DENND4A: variants seen among roughly 807,000 people sequenced by gnomAD.
The protein encoded by DENND4A is DENN domain containing 4A.
In DENND4A, 70 loss-of-function variants were observed where a neutral mutation model predicts 199.3. That is an observed-to-expected ratio of 0.35 (90% CI 0.29 to 0.43). The LOEUF (loss-of-function observed/expected upper bound fraction) is 0.43, where lower values mean the gene tolerates loss of function less well. Among genes scored for constraint, DENND4A ranks in the 20% least tolerant of loss-of-function variants. The pLI is 1.00. For synonymous variants in DENND4A, 686 were observed against 766.9 expected, an observed-to-expected ratio of 0.89 and a Z score of 1.74; for missense variants, 1,723 against 2,255.8, an observed-to-expected ratio of 0.76 and a Z score of 4.78.
intron 5 of DENND4A, among the ~76,000 whole-genome samples, chr15:65,739,511 T>C (rs1434487875): frequency 6.6e-6 from 1 of 152,084 alleles, no homozygotes; most frequent in Non-Finnish European, 1.5e-5. Flanking sequence ...CTGAATACAC[T>C]CCAGGAAGAA....
intron 21 of DENND4A, 132 bp from the exon 22 acceptor site, chr15:65,696,629 T>A: frequency 1.7e-6 from 1 of 577,902 alleles, no homozygotes; most frequent in East Asian, 3.2e-5. Flanking sequence ...CACCTCTATA[T>A]CTGTTTGTCA....
chr15:65,738,215 C>G (rs2076165146), intron 6 of DENND4A, among the ~76,000 whole-genome samples: 1 of 151,996 alleles, frequency 6.6e-6, no homozygotes, highest in African/African-American at 2.4e-5. Flanking sequence ...TCAATATTCT[C>G]TATAAGAAAA....
chr15:65,690,388 A>C (rs1354232636), intron 23 of DENND4A, 27 bp downstream of exon 23: 4 of 1,531,232 alleles, frequency 2.6e-6, no homozygotes, highest in Non-Finnish European at 3.5e-6. Flanking sequence ...TGTGACAGTA[A>C]AAGTAGCAAA....
At chr15:65,784,398 G>A (rs1272197382) in intron 1 of DENND4A, among the ~76,000 whole-genome samples, 1 of 150,880 alleles carries the variant, frequency 6.6e-6, no homozygotes, top group Non-Finnish European at 1.5e-5. Context: ...CCTTAACGGT[G>A]ACAAATTTAA....
Position 65,739,234 on chromosome 15 carries a change from CATCT to C in DENND4A, c.632-363_632-360del, listed in dbSNP as rs374106095. ...TGAAATTTTCAATATGGTTTATTTTCATCTATCTACTTCATCAGCTCTCAATAAC... is the reference window on the plus strand; with the variant it reads ...TGAAATTTTCAATATGGTTTATTTTCATCTACTTCATCAGCTCTCAATAAC... On this transcript the variant is annotated intron_variant, in intron 5 of 32. Transcript: ENST00000443035. Among the ~76,000 whole-genome samples the C allele has an allele frequency of 5.5e-3, 841 of 152,284 alleles. 3 individuals carry two copies. The highest frequency in any genetic ancestry group is 9.3e-3 in the Non-Finnish European group (633 of 68,014).
chr15:65,664,819 T>A, intron 30 of DENND4A, 97 bp from the exon 31 acceptor site: 1 of 1,061,752 alleles, frequency 9.4e-7, no homozygotes, highest in Non-Finnish European at 1.3e-6. Flanking sequence ...TACAAAGCAC[T>A]AAAAATAAAT....
At chr15:65,757,885 G>T (rs2076750612) in intron 2 of DENND4A, among the ~76,000 whole-genome samples, 1 of 152,120 alleles carries the variant, frequency 6.6e-6, no homozygotes, top group Admixed American at 6.6e-5. Flanking sequence ...GGAGGCTGAG[G>T]CAGGAGAATC....
intron 12 of DENND4A, among the ~76,000 whole-genome samples, chr15:65,722,177 T>C (rs781515312): frequency 7.2e-5 from 11 of 152,194 alleles, no homozygotes; most frequent in Admixed American, 1.3e-4. Context: ...AAACTAACTT[T>C]CTATTCTGTG....
chr15:65,685,890 T>C (rs1404646723), intron 23 of DENND4A, among the ~76,000 whole-genome samples: 1 of 151,806 alleles, frequency 6.6e-6, no homozygotes, highest in Non-Finnish European at 1.5e-5. Context: ...CATCTATTCA[T>C]CTCTGTTTAT....
At chr15:65,714,533 C>A (rs1372829324) in intron 14 of DENND4A, among the ~76,000 whole-genome samples, 1 of 152,170 alleles carries the variant, frequency 6.6e-6, no homozygotes, top group Non-Finnish European at 1.5e-5. Context: ...ACACAGATGA[C>A]TTCTTCACCT....
chr15:65,720,297 A>C (rs2075572004), intron 12 of DENND4A, among the ~76,000 whole-genome samples: 1 of 152,204 alleles, frequency 6.6e-6, no homozygotes, highest in Admixed American at 6.5e-5. Flanking sequence ...ATTACTTCAA[A>C]ATTTTAAAAT....
In DENND4A at chr15:65,667,680, G is replaced by T. The variant is rs1361950704; in HGVS notation, c.5010C>A (p.His1670Gln). ...CAGTGACAGGATCGGGACTTGGAAGGTGCCATTCTAAACCTAAAGAATCCT... is the reference window on the plus strand; with the variant it reads ...CAGTGACAGGATCGGGACTTGGAAGTTGCCATTCTAAACCTAAAGAATCCT... ...GATDSLGLEWHLPSPDPVTVP... is the reference protein window; with the variant it reads ...GATDSLGLEWQLPSPDPVTVP... The change falls in exon 29 of 33, where the codon CAC (histidine) becomes CAA (glutamine). Residue 1670 changes from histidine (H) to glutamine (Q), a missense_variant. By Grantham distance (24) the His-to-Gln change is conservative. Transcript: ENST00000443035. 2 of 1,613,728 alleles carry T rather than the reference G, an allele frequency of 1.2e-6. No homozygotes were observed. The highest frequency in any genetic ancestry group is 1.7e-6 in the Non-Finnish European group (2 of 1,179,838).
At chr15:65,709,966 T>C (rs958574485) in intron 14 of DENND4A, among the ~76,000 whole-genome samples, 2 of 151,870 alleles carry the variant, frequency 1.3e-5, no homozygotes, top group Non-Finnish European at 2.9e-5. Context: ...AAACAATGAT[T>C]ATACATTTAA....
chr15:65,732,097 T>C (rs181810349), intron 8 of DENND4A, among the ~76,000 whole-genome samples: 2 of 152,230 alleles, frequency 1.3e-5, no homozygotes, highest in African/African-American at 2.4e-5. Context: ...TATTTACATA[T>C]TACCCAGCTG....
intron 2 of DENND4A, among the ~76,000 whole-genome samples, chr15:65,757,843 G>A (rs150354496): frequency 5.1e-4 from 78 of 152,234 alleles, no homozygotes; most frequent in East Asian, 3.5e-3. Context: ...TTAGCCAGGC[G>A]TGGTGACACA....
rs1567021322 is a variant in DENND4A at position 65,701,047 on chromosome 15, T to C, written c.2701+4A>G. On this transcript the variant is annotated splice_donor_region_variant and intron_variant, in intron 19 of 32. Coordinates refer to ENST00000443035, the MANE Select transcript of DENND4A (RefSeq NM_001320835.1). ...AGAACAAGTAAAACACATACATCCC[T>C]TACCTGAGAGAGTTGTTTGTGATAA... is the stretch of plus-strand genomic sequence containing the variant. The C allele has an allele frequency of 6.2e-7, 1 of 1,603,868 alleles. No individual in the cohort carries two copies. Among genetic ancestry groups the C allele is most frequent in the Non-Finnish European group, 8.5e-7 (1 of 1,177,240 alleles).
chr15:65,774,593 G>A (rs1305662664), intron 1 of DENND4A, among the ~76,000 whole-genome samples: 1 of 151,676 alleles, frequency 6.6e-6, no homozygotes, highest in African/African-American at 2.4e-5. Context: ...GTTTGAACCT[G>A]GGAGGCAGAG....
chr15:65,707,033 T>C (rs74023366), intron 14 of DENND4A, among the ~76,000 whole-genome samples: 1,599 of 152,250 alleles, frequency 0.011, 30 homozygotes, highest in African/African-American at 0.037. Context: ...GTGATAAGAA[T>C]AGTGAATTCT....
chr15:65,729,035 G>C (rs373429097), intron 11 of DENND4A, 37 bp downstream of exon 11: 2 of 1,530,134 alleles, frequency 1.3e-6, no homozygotes, highest in African/African-American at 2.7e-5. Context: ...CTACAAAGTT[G>C]TAAAATATAC....
Sources: gnomAD v4.1 joint callset for allele counts (sites outside exome capture counted in the v4.1 genomes callset) on GRCh38, gnomAD v4.1.1 for gene constraint, MANE v1.5 for transcripts, NCBI Gene and HGNC (gene_info 2026-07-23, HGNC 2026-07-21) for gene names.